TRMT11: variants seen among roughly 807,000 people sequenced by gnomAD.
The protein encoded by TRMT11 is tRNA (guanine(10)-N(2))-methyltransferase TRMT11.
TRMT11 carries 53 observed loss-of-function variants against 62.8 expected under a neutral mutation model. The observed-to-expected ratio is 0.84, with a 90% CI of 0.68 to 1.06. The LOEUF is 1.06. TRMT11 is among the 50% of genes least tolerant of loss of function. The pLI, the probability that TRMT11 is intolerant of heterozygous loss-of-function variation, is 0.00. For missense variants in TRMT11, 556 were observed against 553.4 expected (o/e 1.00, Z -0.05); for synonymous variants, 188 against 190.3 (o/e 0.99, Z 0.10).
intron 3 of TRMT11, among the ~76,000 whole-genome samples, chr6:126,201,486 C>A (rs1778734198): frequency 6.6e-6 from 1 of 152,194 alleles, no homozygotes; most frequent in African/African-American, 2.4e-5. Context: ...AGCATTTCCA[C>A]AGATGTCCCT....
chr6:126,048,492 C>A (rs548242855), intron 16 of TRMT11, among the ~76,000 whole-genome samples: 2 of 152,250 alleles, frequency 1.3e-5, no homozygotes, highest in Admixed American at 1.3e-4. Context: ...CAAATTGTGG[C>A]GGCTGATAGA....
At chr6:126,180,754 A>G (rs1296695828) in intron 1 of TRMT11, among the ~76,000 whole-genome samples, 1 of 152,170 alleles carries the variant, frequency 6.6e-6, no homozygotes, top group East Asian at 1.9e-4. Context: ...TTGGCCACAC[A>G]GTTTTGTGGT....
Position 126,044,456 on chromosome 6 carries a change from A to G in TRMT11, c.*1369+3611A>G, listed in dbSNP as rs376016936. On this transcript the variant is annotated intron_variant and NMD_transcript_variant, in intron 16 of 22. Transcript: ENST00000648977. Reference sequence around the variant, plus strand: ...AGTACCATGCTGTTTTGGTTACTGTAGCCTTGTAGTATAGTTTGAAGTCAG... The same window carrying G: ...AGTACCATGCTGTTTTGGTTACTGTGGCCTTGTAGTATAGTTTGAAGTCAG... Among the ~76,000 whole-genome samples, 1,067 of 152,282 alleles carry G rather than the reference A, an allele frequency of 7.0e-3. 6 individuals are homozygous for G. Among genetic ancestry groups the G allele is most frequent in the African/African-American group, 0.024 (979 of 41,550 alleles).
intron 17 of TRMT11, among the ~76,000 whole-genome samples, chr6:126,103,579 C>T (rs75904810): frequency 6.6e-6 from 1 of 152,176 alleles, no homozygotes; most frequent in Non-Finnish European, 1.5e-5. Context: ...TGCTTCCAAA[C>T]TCACTTAGGT....
intron 1 of TRMT11, among the ~76,000 whole-genome samples, chr6:126,190,636 C>T (rs1778587620): frequency 6.6e-6 from 1 of 152,130 alleles, no homozygotes; most frequent in South Asian, 2.1e-4. Flanking sequence ...TGATTTCAGT[C>T]TCCACCTCCA....
At chr6:126,210,487 A>C in the TRMT11 span, among the ~76,000 whole-genome samples, 2 of 152,194 alleles carry the variant, frequency 1.3e-5, no homozygotes, top group Non-Finnish European at 2.9e-5. Flanking sequence ...TTTATCCCTG[A>C]CTGGACTCCT....
chr6:126,004,916 A>G (rs1793123167), intron 7 of TRMT11, among the ~76,000 whole-genome samples: 1 of 152,086 alleles, frequency 6.6e-6, no homozygotes, highest in Non-Finnish European at 1.5e-5. Context: ...GAATGACATT[A>G]TGAGCGGCAG....
intron 17 of TRMT11, among the ~76,000 whole-genome samples, chr6:126,093,583 A>ATG (rs1350793272): frequency 3.8e-4 from 27 of 70,410 alleles, no homozygotes; most frequent in African/African-American, 1.7e-3. Flanking sequence ...CAGGATATGT[A>ATG]TGTATATATA....
chr6:125,995,851 A>G, intron 2 of TRMT11, 116 bp from the exon 3 acceptor site: 1 of 693,738 alleles, frequency 1.4e-6, no homozygotes, highest in Non-Finnish European at 2.6e-6. Context: ...CAGTCAGATC[A>G]GATATTCTTA....
In TRMT11 at chr6:126,118,673, A is replaced by AT. The variant is rs141619130; in HGVS notation, c.*1823+2825dup. 7.4e-3 allele frequency among the ~76,000 whole-genome samples: 1,129 copies of AT among 152,042 alleles called. 16 individuals carry two copies. The highest frequency in any genetic ancestry group is 0.026 in the African/African-American group (1,075 of 41,502). On this transcript the variant is annotated intron_variant and NMD_transcript_variant, in intron 21 of 22. Coordinates refer to the TRMT11 transcript ENST00000648977. ...CAACAATTACATTCGGCTTGAATGG[A>AT]TTTTTTTCTGACATTGTTTCTTATT...
chr6:126,157,637 T>C (rs1162184212), intron 21 of TRMT11, among the ~76,000 whole-genome samples: 1 of 152,176 alleles, frequency 6.6e-6, no homozygotes, highest in African/African-American at 2.4e-5. Context: ...TGGCTTAATA[T>C]CACAAAAAGA....
chr6:126,118,176 A>C (rs533151447), intron 21 of TRMT11, among the ~76,000 whole-genome samples: 29 of 152,154 alleles, frequency 1.9e-4, no homozygotes, highest in Non-Finnish European at 8.8e-5. Context: ...CAGCTGTAGC[A>C]CCTCTTAAAC....
At chr6:126,074,715 T>C (rs1234767028) in intron 17 of TRMT11, among the ~76,000 whole-genome samples, 1 of 152,204 alleles carries the variant, frequency 6.6e-6, no homozygotes, top group African/African-American at 2.4e-5. Flanking sequence ...AGTCTCAATT[T>C]TTTATTTCAA....
At position 126,193,488 on chromosome 6, in the gene TRMT11, G is replaced by GTTTTTTTTTTTTTTTTTTTTTTTT. The variant is rs1778627491; in HGVS notation, n.144-5310_144-5309insTTTTTTTTTTTTTTTTTTTTTTTT. Among the ~76,000 whole-genome samples the GTTTTTTTTTTTTTTTTTTTTTTTT allele has an allele frequency of 5.9e-5, 7 of 118,128 alleles. 1 individual carries two copies. The highest frequency in any genetic ancestry group is 2.6e-4 in the African/African-American group (7 of 26,896). 77.5% of individuals were successfully genotyped at this position (118,128 alleles called of 152,430 possible). ...TAGGTTATTTAAGAGGAGCGTTTCT[G>GTTTTTTTTTTTTTTTTTTTTTTTT]TATTTTTTTTTTTTTTTTTTTTTTT... On this transcript the variant is annotated intron_variant and non_coding_transcript_variant, in intron 1 of 3. Transcript: ENST00000444229.
downstream of TRMT11, among the ~76,000 whole-genome samples, chr6:126,204,461 C>T (rs1422471888): frequency 6.6e-6 from 1 of 152,216 alleles, no homozygotes; most frequent in Non-Finnish European, 1.5e-5. Context: ...TCCCTGTGTA[C>T]TGCGTTCTTT....
the TRMT11 span, among the ~76,000 whole-genome samples, chr6:126,239,940 T>A: frequency 6.6e-6 from 1 of 152,158 alleles, no homozygotes; most frequent in Non-Finnish European, 1.5e-5. Context: ...CTTCTCTTCT[T>A]GCTTCATTTC....
intron 21 of TRMT11, among the ~76,000 whole-genome samples, chr6:126,151,931 C>CTTTCTTTCTTTCT (rs1778060117): frequency 3.2e-5 from 3 of 93,418 alleles, no homozygotes; most frequent in African/African-American, 5.3e-5. Context: ...TTCTTTCTTT[C>CTTTCTTTCTTTCT]TTTCTTTCTT....
At chr6:126,132,297 T>G (rs1777794764) in intron 21 of TRMT11, among the ~76,000 whole-genome samples, 1 of 152,088 alleles carries the variant, frequency 6.6e-6, no homozygotes, top group South Asian at 2.1e-4. Context: ...CCTGTCACTC[T>G]GTGGACTCAC....
At chr6:126,153,472 T>G (rs901515859) in intron 21 of TRMT11, among the ~76,000 whole-genome samples, 13 of 152,348 alleles carry the variant, frequency 8.5e-5, no homozygotes, top group African/African-American at 2.9e-4. Context: ...AAGCCAAGTT[T>G]CAATGTGTAC....
Sources: gnomAD v4.1 joint callset for allele counts (sites outside exome capture counted in the v4.1 genomes callset) on GRCh38, gnomAD v4.1.1 for gene constraint, MANE v1.5 for transcripts, NCBI Gene and HGNC (gene_info 2026-07-23, HGNC 2026-07-21) for gene names.